TMEM108: variants seen among roughly 807,000 people sequenced by gnomAD.
TMEM108 encodes cancer/testis antigen 124.
A neutral mutation model predicts 35.1 loss-of-function variants in TMEM108; 12 were observed. The ratio of observed to expected loss-of-function variants is 0.34; its 90% CI spans 0.22 to 0.55. The LOEUF (loss-of-function observed/expected upper bound fraction) is 0.55. Ranked by LOEUF, TMEM108 falls within the 20% of genes least tolerant of loss-of-function variation. The pLI is 0.89. For missense variants in TMEM108, 680 were observed against 753.3 expected (o/e 0.90, Z 1.14); for synonymous variants, 287 against 308.6 (o/e 0.93, Z 0.73).
At chr3:133,370,247 C>G (rs2072619709) in intron 3 of TMEM108, among the ~76,000 whole-genome samples, 1 of 150,752 alleles carries the variant, frequency 6.6e-6, no homozygotes, top group Non-Finnish European at 1.5e-5. Flanking sequence ...CTCCCCTTGG[C>G]TGTGACAGCT....
At chr3:133,107,496 G>GTGTA (rs1491503141) in intron 2 of TMEM108, among the ~76,000 whole-genome samples, 1 of 139,968 alleles carries the variant, frequency 7.1e-6, no homozygotes, top group African/African-American at 2.6e-5. Flanking sequence ...GTGTGTGTGT[G>GTGTA]TATAAAATGA....
At chr3:133,370,558 G>T (rs2072629566) in intron 3 of TMEM108, among the ~76,000 whole-genome samples, 1 of 152,166 alleles carries the variant, frequency 6.6e-6, no homozygotes, top group Admixed American at 6.5e-5. Flanking sequence ...GTTTGGGAGG[G>T]TACAAGGCAG....
intron 2 of TMEM108, among the ~76,000 whole-genome samples, chr3:133,178,587 G>T (rs922659790): frequency 6.6e-6 from 1 of 152,136 alleles, no homozygotes; most frequent in Non-Finnish European, 1.5e-5. Context: ...AAATGGTTCT[G>T]GGAAAACTGG....
intron 2 of TMEM108, among the ~76,000 whole-genome samples, chr3:133,200,375 A>G (rs1382126919): frequency 1.3e-5 from 2 of 152,136 alleles, no homozygotes; most frequent in African/African-American, 4.8e-5. Flanking sequence ...GCACACCTGA[A>G]CCAGAAAGCG....
intron 2 of TMEM108, among the ~76,000 whole-genome samples, chr3:133,112,412 A>G (rs1041787315): frequency 6.6e-6 from 1 of 152,172 alleles, no homozygotes; most frequent in Non-Finnish European, 1.5e-5. Flanking sequence ...CATAATGAAG[A>G]TATTTGTTAA....
At chr3:133,383,755 C>T (rs1277812167) in intron 4 of TMEM108, among the ~76,000 whole-genome samples, 1 of 152,192 alleles carries the variant, frequency 6.6e-6, no homozygotes, top group East Asian at 1.9e-4. Context: ...CCTTCAGGTG[C>T]TGGAGATGGA....
intron 3 of TMEM108, among the ~76,000 whole-genome samples, chr3:133,297,754 T>G (rs1376001293): frequency 6.6e-6 from 1 of 152,182 alleles, no homozygotes; most frequent in Non-Finnish European, 1.5e-5. Flanking sequence ...GGGGACCACA[T>G]GAACACAGAG....
rs560193170 is a variant in TMEM108 at position 133,111,615 on chromosome 3, C to T, written c.-47+65595C>T. Among the ~76,000 whole-genome samples the T allele has an allele frequency of 1.5e-4, 23 of 152,058 alleles. No homozygotes were observed. The East Asian group carries it at 2.7e-3, about 18-fold the overall frequency. On this transcript the variant is annotated intron_variant, in intron 2 of 5. Coordinates refer to ENST00000321871, the MANE Select transcript of TMEM108 (RefSeq NM_023943.4). The stretch of plus-strand genomic sequence containing the variant: ...ACATTGCTTCATTTTTAATATTTTG[C>T]GTGCATTTTATCATACTATATAATA...
At position 133,215,811 on chromosome 3, in the gene TMEM108, C is replaced by T. The variant is rs148836950; in HGVS notation, c.-46-13455C>T. ...GCTTTTTTACATTTAAATATCTGATCGATTTGGAATTTAAGTTGCGGTATG... is the reference window on the plus strand; with the variant it reads ...GCTTTTTTACATTTAAATATCTGATTGATTTGGAATTTAAGTTGCGGTATG... On this transcript the variant is annotated intron_variant, in intron 2 of 5. Coordinates refer to ENST00000321871, the MANE Select transcript of TMEM108 (RefSeq NM_023943.4). Among the ~76,000 whole-genome samples, 7 of 151,860 alleles carry T rather than the reference C, an allele frequency of 4.6e-5. No individual in the cohort carries two copies. The East Asian group carries it at 1.2e-3, about 25-fold the overall frequency.
chr3:133,326,492 C>G (rs1478393240), intron 3 of TMEM108, among the ~76,000 whole-genome samples: 2 of 152,120 alleles, frequency 1.3e-5, no homozygotes, highest in Non-Finnish European at 2.9e-5. Context: ...AGCCCTTCAC[C>G]TTACTGGGCC....
chr3:133,276,133 T>C (rs1458549105), intron 3 of TMEM108, among the ~76,000 whole-genome samples: 7 of 151,926 alleles, frequency 4.6e-5, no homozygotes, highest in African/African-American at 1.7e-4. Flanking sequence ...AATTTGAAAT[T>C]AAGATAAATA....
At chr3:133,241,097 T>C (rs189180514) in intron 3 of TMEM108, among the ~76,000 whole-genome samples, 15 of 152,236 alleles carry the variant, frequency 9.9e-5, no homozygotes, top group African/African-American at 3.4e-4. Flanking sequence ...CTGGGAGATT[T>C]TTCTGAAGAA....
At chr3:133,373,239 C>T (rs906925626) in intron 3 of TMEM108, among the ~76,000 whole-genome samples, 5 of 151,538 alleles carry the variant, frequency 3.3e-5, no homozygotes, top group Non-Finnish European at 5.9e-5. Context: ...GTCCCAGCTA[C>T]TCGGGAGGCT....
chr3:133,291,281 G>A (rs181923373), intron 3 of TMEM108, among the ~76,000 whole-genome samples: 8 of 149,380 alleles, frequency 5.4e-5, no homozygotes, highest in Non-Finnish European at 8.9e-5. Flanking sequence ...TGTTGTTGTC[G>A]TTTGTTTGTC....
In TMEM108 at chr3:133,307,338, TG is replaced by T. The variant is rs61072652; in HGVS notation, c.41-72412del. ...TCTGTAGGTTGCCTGTTCACTCTGATGGTAGTTTCTTTGCCGTGCAGAAGCT... is the reference window on the plus strand; with the variant it reads ...TCTGTAGGTTGCCTGTTCACTCTGATGTAGTTTCTTTGCCGTGCAGAAGCT... On this transcript the variant is annotated intron_variant, in intron 3 of 5. Transcript: ENST00000321871. Among the ~76,000 whole-genome samples, 111 of 152,348 alleles carry T rather than the reference TG, an allele frequency of 7.3e-4. No individual in the cohort carries two copies. In the East Asian group the frequency reaches 0.017, roughly 24 times the overall value.
At chr3:133,141,598 G>T (rs1440273197) in intron 2 of TMEM108, among the ~76,000 whole-genome samples, 1 of 152,176 alleles carries the variant, frequency 6.6e-6, no homozygotes, top group Non-Finnish European at 1.5e-5. Context: ...GCATGTAACT[G>T]GATGAAGTGT....
At chr3:133,198,083 CAA>C (rs1170796696) in intron 2 of TMEM108, among the ~76,000 whole-genome samples, 4 of 152,146 alleles carry the variant, frequency 2.6e-5, no homozygotes, top group African/African-American at 7.2e-5. Context: ...CCCTGAGGTA[CAA>C]GAGAGAGCTC....
intron 2 of TMEM108, among the ~76,000 whole-genome samples, chr3:133,105,950 G>T (rs960001611): frequency 5.9e-5 from 9 of 152,250 alleles, no homozygotes; most frequent in Admixed American, 5.9e-4. Flanking sequence ...AAAGGGTAAA[G>T]GTCCTTCTAA....
intron 4 of TMEM108, chr3:133,386,432 A>G (rs760978883): frequency 1.3e-5 from 20 of 1,536,024 alleles, no homozygotes; most frequent in Admixed American, 2.0e-5. Flanking sequence ...AGCAGATCCT[A>G]TCACCTGAAA....
Sources: gnomAD v4.1 joint callset for allele counts (sites outside exome capture counted in the v4.1 genomes callset) on GRCh38, gnomAD v4.1.1 for gene constraint, MANE v1.5 for transcripts, NCBI Gene and HGNC (gene_info 2026-07-23, HGNC 2026-07-21) for gene names.